MGST1: variants seen among roughly 807,000 people sequenced by gnomAD.
MGST1 encodes the protein microsomal glutathione S-transferase 1, also known as glutathione S-transferase 12.
A neutral mutation model predicts 8.9 loss-of-function variants in MGST1; 5 were observed. That is an observed-to-expected ratio of 0.56 (90% CI 0.29 to 1.19). The LOEUF (loss-of-function observed/expected upper bound fraction) is 1.19. Among genes scored for constraint, MGST1 ranks in the 50% most tolerant of loss-of-function variants. The pLI is 0.08. For synonymous variants in MGST1, 54 were observed against 67.8 expected, an observed-to-expected ratio of 0.80 and a Z score of 1.00; for missense variants, 182 against 187.4, an observed-to-expected ratio of 0.97 and a Z score of 0.17.
At chr12:16,476,082 A>T (rs1941321252) in intron 4 of MGST1, among the ~76,000 whole-genome samples, 1 of 152,116 alleles carries the variant, frequency 6.6e-6, no homozygotes, top group Non-Finnish European at 1.5e-5. Context: ...CCCAGTGAGG[A>T]CTTGGTAATA....
At chr12:16,365,643 G>A (rs540451590), downstream of MGST1, among the ~76,000 whole-genome samples, 1 of 152,280 alleles carries the variant, frequency 6.6e-6, no homozygotes, top group Admixed American at 6.5e-5. Flanking sequence ...CCTTAGGAAC[G>A]CTTTGTGGTG....
chr12:16,510,320 G>A (rs1180493365), intron 4 of MGST1, among the ~76,000 whole-genome samples: 1 of 152,118 alleles, frequency 6.6e-6, no homozygotes, highest in Non-Finnish European at 1.5e-5. Context: ...AGGGAAGAAA[G>A]AAGAGATGAA....
intron 1 of MGST1, chr12:16,402,473 T>A (rs1940666164): frequency 1.3e-6 from 2 of 1,536,506 alleles, no homozygotes; most frequent in Non-Finnish European, 1.8e-6. Context: ...ATGTCCCGGC[T>A]CTGCCACCTG....
chr12:16,493,268 C>T (rs750724624), intron 4 of MGST1, among the ~76,000 whole-genome samples: 8 of 152,108 alleles, frequency 5.3e-5, no homozygotes, highest in African/African-American at 1.4e-4. Flanking sequence ...ATTTCTGGAC[C>T]TTTGGACTTC....
At position 16,458,953 on chromosome 12, in the gene MGST1, A is replaced by G. The variant is rs1565458843; in HGVS notation, n.482+75349A>G. 6.6e-6 allele frequency among the ~76,000 whole-genome samples: 1 copy of G among 152,050 alleles called. No homozygotes were observed. The highest frequency in any genetic ancestry group is 1.5e-5 in the Non-Finnish European group (1 of 67,974). On this transcript the variant is annotated intron_variant and non_coding_transcript_variant, in intron 4 of 4. Transcript: ENST00000538857. This position sits in a 1 kb window ranked among gnomAD's most constrained non-coding sequence, Gnocchi z 4.0. The stretch of plus-strand genomic sequence containing the variant: ...ACAGAAATCTAAGTAGTTCCAAGCT[A>G]TCTGAGGCAGAATTTCATACCCAGA...
intron 4 of MGST1, among the ~76,000 whole-genome samples, chr12:16,507,581 G>C (rs1341301302): frequency 6.6e-6 from 1 of 152,146 alleles, no homozygotes; most frequent in Non-Finnish European, 1.5e-5. Context: ...ATGAAGAAAA[G>C]AGGTTTAATT....
intron 4 of MGST1, among the ~76,000 whole-genome samples, chr12:16,536,049 C>A (rs936876649): frequency 2.7e-5 from 4 of 150,568 alleles, no homozygotes; most frequent in Middle Eastern, 3.4e-3. Flanking sequence ...CCTCCTAAAG[C>A]CTGAGTAGAA....
chr12:16,401,959 T>C lies in MGST1; in HGVS notation n.778+18355T>C, dbSNP rs1315818779. ...TCTATTTTGTCAAAGCCTTCTTTGT[T>C]GAGGCAGTCATTCCAGCTCTTCATG... is the stretch of plus-strand genomic sequence containing the variant. On this transcript the variant is annotated intron_variant and non_coding_transcript_variant, in intron 1 of 1. Transcript: ENST00000359720. This position sits in a 1 kb window ranked among gnomAD's most constrained non-coding sequence, Gnocchi z 4.3. The C allele has an allele frequency of 3.1e-6, 5 of 1,612,160 alleles. No individual in the cohort carries two copies. Among genetic ancestry groups the C allele is most frequent in the Non-Finnish European group, 4.2e-6 (5 of 1,178,256 alleles).
rs903904786 is a variant in MGST1 at position 16,399,217 on chromosome 12, G to T, written n.778+15613G>T. 25 of 1,447,388 alleles carry T rather than the reference G, an allele frequency of 1.7e-5. No homozygotes were observed. The African/African-American group carries it at 3.1e-4, about 18-fold the overall frequency. The allele number at this position is 1,447,388 out of a possible 1,614,324, so 89.7% of individuals were successfully genotyped here. On this transcript the variant is annotated intron_variant and non_coding_transcript_variant, in intron 1 of 1. Coordinates refer to the MGST1 transcript ENST00000359720. ...AGGAAAAATACAGTTTCTATGTCAT[G>T]TAAAATTTTCAGGGTTTGGCTAGAG...
At chr12:16,518,182 C>T (rs944628303) in intron 4 of MGST1, among the ~76,000 whole-genome samples, 3 of 152,184 alleles carry the variant, frequency 2.0e-5, no homozygotes, top group Non-Finnish European at 4.4e-5. Flanking sequence ...GCTACCTCAT[C>T]TTCTCCAACT....
intron 1 of MGST1, among the ~76,000 whole-genome samples, chr12:16,387,772 C>T (rs972634069): frequency 1.6e-4 from 25 of 152,210 alleles, no homozygotes; most frequent in Non-Finnish European, 2.9e-4. Flanking sequence ...ATGATCTGCC[C>T]GCCTTGGCCT....
chr12:16,499,401 C>T (rs1316099048), intron 4 of MGST1, among the ~76,000 whole-genome samples: 2 of 152,070 alleles, frequency 1.3e-5, no homozygotes, highest in African/African-American at 2.4e-5. Context: ...AACATTTTAC[C>T]AGCACTGTGT....
At chr12:16,368,805 G>T (rs886984244), downstream of MGST1, among the ~76,000 whole-genome samples, 2 of 152,122 alleles carry the variant, frequency 1.3e-5, no homozygotes, top group African/African-American at 4.8e-5. Context: ...AAAATGGAGA[G>T]ATAGGAGCTG....
chr12:16,410,843 G>C lies in MGST1; in HGVS notation n.779-26545G>C, dbSNP rs1290853601. Reference sequence around the variant, plus strand: ...GAATAACGCCTACATATAACTATTTGGTTTGACTCCATTTTTTCCCAAGAT... The same window carrying C: ...GAATAACGCCTACATATAACTATTTCGTTTGACTCCATTTTTTCCCAAGAT... On this transcript the variant is annotated intron_variant and non_coding_transcript_variant, in intron 1 of 1. Transcript: ENST00000359720. The surrounding 1 kb of genome is among the most constrained non-coding windows in gnomAD (Gnocchi z 4.4). 6.6e-6 allele frequency among the ~76,000 whole-genome samples: 1 copy of C among 151,710 alleles called. No individual in the cohort carries two copies. The highest frequency in any genetic ancestry group is 1.5e-5 in the Non-Finnish European group (1 of 67,930).
At chr12:16,379,455 G>A (rs1038381407), downstream of MGST1, among the ~76,000 whole-genome samples, 2 of 152,176 alleles carry the variant, frequency 1.3e-5, no homozygotes, top group Non-Finnish European at 2.9e-5. Context: ...TACATTTATT[G>A]ATTTGCATAT....
chr12:16,568,288 T>C (rs1213161308), intron 4 of MGST1, among the ~76,000 whole-genome samples: 1 of 152,182 alleles, frequency 6.6e-6, no homozygotes, highest in African/African-American at 2.4e-5. Context: ...CCATTCCAGT[T>C]TGAAGGTTGT....
At chr12:16,472,370 A>G (rs1941294234) in intron 4 of MGST1, among the ~76,000 whole-genome samples, 1 of 152,090 alleles carries the variant, frequency 6.6e-6, no homozygotes, top group Non-Finnish European at 1.5e-5. Context: ...ACAAAAATCA[A>G]GAGTTTTAAA....
At chr12:16,472,675 G>C (rs1342507578) in intron 4 of MGST1, among the ~76,000 whole-genome samples, 1 of 152,034 alleles carries the variant, frequency 6.6e-6, no homozygotes, top group Non-Finnish European at 1.5e-5. Context: ...TATGTATATT[G>C]AGCAATAATA....
intron 4 of MGST1, among the ~76,000 whole-genome samples, chr12:16,507,703 G>A (rs1941547972): frequency 6.6e-6 from 1 of 152,136 alleles, no homozygotes; most frequent in Non-Finnish European, 1.5e-5. Context: ...GGGAGCAGGA[G>A]ACAGAGAGAG....
Sources: gnomAD v4.1 joint callset for allele counts (sites outside exome capture counted in the v4.1 genomes callset) on GRCh38, gnomAD v4.1.1 for gene constraint, Gnocchi (gnomAD v3.1) non-coding constraint, MANE v1.5 for transcripts, NCBI Gene and HGNC (gene_info 2026-07-23, HGNC 2026-07-21) for gene names.